Variants in SPMIP3 observed in about 807,000 individuals in gnomAD.
SPMIP3 encodes sperm microtubule inner protein 3.
the SPMIP3 span, among the ~76,000 whole-genome samples, chr1:244,369,908 G>C: frequency 6.6e-6 from 1 of 152,144 alleles, no homozygotes; most frequent in African/African-American, 2.4e-5. Context: ...TGGTGACAGA[G>C]AAAGGGGAAG....
chr1:244,385,674 G>A, the SPMIP3 span, among the ~76,000 whole-genome samples: 3 of 152,058 alleles, frequency 2.0e-5, no homozygotes, highest in Non-Finnish European at 2.9e-5. Flanking sequence ...AAGAATGTAA[G>A]CATTGTGCCT....
the SPMIP3 span, among the ~76,000 whole-genome samples, chr1:244,374,646 G>A: frequency 1.5e-5 from 2 of 133,262 alleles, no homozygotes; most frequent in Non-Finnish European, 3.1e-5. Context: ...GCCCAGGCTG[G>A]AGTGCAGTGG....
the SPMIP3 span, among the ~76,000 whole-genome samples, chr1:244,384,530 C>T: frequency 6.6e-6 from 1 of 152,064 alleles, no homozygotes; most frequent in African/African-American, 2.4e-5. Flanking sequence ...ATTTTGGTTA[C>T]ATTGCTTGGA....
At chr1:244,360,311 G>T in the SPMIP3 span, among the ~76,000 whole-genome samples, 2 of 152,058 alleles carry the variant, frequency 1.3e-5, no homozygotes, top group African/African-American at 2.4e-5. Flanking sequence ...CAGTATGAAG[G>T]TTCCTCAAAA....
the SPMIP3 span, among the ~76,000 whole-genome samples, chr1:244,353,647 G>T: frequency 0.73 from 110,851 of 151,818 alleles, 41,226 homozygotes; most frequent in East Asian, 0.95. Context: ...CCTAGGGAAC[G>T]TATGTAGGAC....
chr1:244,388,845 CCCCA>C, the SPMIP3 span: 1 of 844,434 alleles, frequency 1.2e-6, no homozygotes, highest in Non-Finnish European at 1.9e-6. Context: ...TTGTCTTAAA[CCCCA>C]AAAGTTATTT....
At chr1:244,374,149 T>C in the SPMIP3 span, among the ~76,000 whole-genome samples, 4 of 152,068 alleles carry the variant, frequency 2.6e-5, no homozygotes, top group Admixed American at 1.3e-4. Flanking sequence ...TAAAATGAGA[T>C]GTATTTTAAA....
chr1:244,366,045 C>T, the SPMIP3 span, among the ~76,000 whole-genome samples: 1 of 152,212 alleles, frequency 6.6e-6, no homozygotes, highest in East Asian at 1.9e-4. Context: ...CCTTCACCAC[C>T]TCGACGGGTC....
the SPMIP3 span, among the ~76,000 whole-genome samples, chr1:244,372,520 T>G: frequency 0.039 from 5,857 of 151,668 alleles, 391 homozygotes; most frequent in African/African-American, 0.13. Flanking sequence ...CTCAGCTCAC[T>G]GCAAGCCCCA....
the SPMIP3 span, among the ~76,000 whole-genome samples, chr1:244,371,591 C>T: frequency 3.3e-5 from 5 of 152,204 alleles, no homozygotes; most frequent in Non-Finnish European, 7.3e-5. Context: ...ATCCTCAAAT[C>T]AGCTTTTACT....
At chr1:244,372,946 C>T in the SPMIP3 span, among the ~76,000 whole-genome samples, 1 of 152,156 alleles carries the variant, frequency 6.6e-6, no homozygotes, top group African/African-American at 2.4e-5. Flanking sequence ...TTTTACCCTC[C>T]ATCCTATCTC....
the SPMIP3 span, among the ~76,000 whole-genome samples, chr1:244,387,798 AG>A: frequency 6.6e-6 from 1 of 152,170 alleles, no homozygotes; most frequent in Non-Finnish European, 1.5e-5. Context: ...GAAGAGAAGT[AG>A]GAAGTGAAAA....
the SPMIP3 span, chr1:244,364,588 C>A: frequency 1.0e-6 from 1 of 989,254 alleles, no homozygotes; most frequent in Non-Finnish European, 1.6e-6. Flanking sequence ...AATATTTTTA[C>A]TGATTTCTTT....
chr1:244,368,125 A>G, the SPMIP3 span, among the ~76,000 whole-genome samples: 1 of 151,820 alleles, frequency 6.6e-6, no homozygotes, highest in Non-Finnish European at 1.5e-5. Context: ...ACACCTGGCT[A>G]ATTTTTTATT....
At chr1:244,356,757 G>A in the SPMIP3 span, among the ~76,000 whole-genome samples, 1 of 152,020 alleles carries the variant, frequency 6.6e-6, no homozygotes, top group South Asian at 2.1e-4. Flanking sequence ...TGACCAAAAT[G>A]TCCAAAATTG....
chr1:244,357,978 C>G, the SPMIP3 span, among the ~76,000 whole-genome samples: 11 of 152,168 alleles, frequency 7.2e-5, no homozygotes, highest in African/African-American at 2.6e-4. Context: ...GTCCAAGCTA[C>G]TCAGAAGGCT....
the SPMIP3 span, among the ~76,000 whole-genome samples, chr1:244,374,841 A>T: frequency 6.6e-6 from 1 of 151,358 alleles, no homozygotes; most frequent in Non-Finnish European, 1.5e-5. Flanking sequence ...CAAGTGATCC[A>T]CCCACCTTGG....
At chr1:244,378,371 C>T in the SPMIP3 span, 7 of 1,284,528 alleles carry the variant, frequency 5.4e-6, no homozygotes, top group Non-Finnish European at 7.6e-6. Context: ...CTCTGTTAGC[C>T]TCACGGCCGT....
At chr1:244,360,165 G>A in the SPMIP3 span, among the ~76,000 whole-genome samples, 1 of 152,072 alleles carries the variant, frequency 6.6e-6, no homozygotes, top group African/African-American at 2.4e-5. Flanking sequence ...TCCTGCAATG[G>A]GATATCATCT....
Sources: allele counts gnomAD v4.1 joint callset (sites outside exome capture counted in the v4.1 genomes callset), GRCh38; gene constraint gnomAD v4.1.1; transcripts MANE v1.5; gene names NCBI Gene and HGNC (gene_info 2026-07-23, HGNC 2026-07-21).